Variants in SHTN1 observed in about 807,000 individuals in gnomAD.
SHTN1 encodes the protein shootin-1.
Under a neutral mutation model 83.1 loss-of-function variants are expected in SHTN1, and 42 were observed. The observed-to-expected ratio is 0.51, with a 90% CI of 0.39 to 0.65. The LOEUF is 0.65. Ranked by LOEUF, SHTN1 falls within the 30% of genes least tolerant of loss-of-function variation. The probability of loss-of-function intolerance (pLI) is 0.00; values close to 1 mark genes in which losing one functional copy is unlikely to be tolerated. For synonymous variants in SHTN1, 224 were observed against 247.7 expected, an observed-to-expected ratio of 0.90 and a Z score of 0.90; for missense variants, 622 against 737.8, an observed-to-expected ratio of 0.84 and a Z score of 1.82.
intron 12 of SHTN1, among the ~76,000 whole-genome samples, chr10:116,921,155 ATTAC>A (rs1848550740): frequency 6.6e-6 from 1 of 152,082 alleles, no homozygotes; most frequent in African/African-American, 2.4e-5. Context: ...CTCATTTGGA[ATTAC>A]TCCCTCTCTT....
At chr10:116,983,683 GATAAATACATAC>G (rs1376124069) in intron 1 of SHTN1, among the ~76,000 whole-genome samples, 27 of 14,784 alleles carry the variant, frequency 1.8e-3, no homozygotes, top group Admixed American at 4.0e-3. Context: ...TAGATAGATA[GATAAATACATAC>G]ATACATACAT....
At chr10:116,988,930 C>T (rs529840488) in intron 1 of SHTN1, among the ~76,000 whole-genome samples, 41 of 152,182 alleles carry the variant, frequency 2.7e-4, no homozygotes, top group Non-Finnish European at 5.1e-4. Flanking sequence ...CATCTTGAGG[C>T]AAAGCTTAGC....
chr10:117,004,938 C>G, intron 1 of SHTN1, 84 bp downstream of exon 1: 2 of 1,286,780 alleles, frequency 1.6e-6, no homozygotes, highest in Non-Finnish European at 2.1e-6. Flanking sequence ...CGCCCGGCTT[C>G]CAACTGCCCT....
chr10:116,929,268 C>T (rs1848861635), intron 10 of SHTN1, among the ~76,000 whole-genome samples: 1 of 152,188 alleles, frequency 6.6e-6, no homozygotes. Flanking sequence ...CTAACTCGCA[C>T]ATTCCCGTTA....
At chr10:116,919,462 C>T (rs1448229036) in intron 12 of SHTN1, among the ~76,000 whole-genome samples, 2 of 152,132 alleles carry the variant, frequency 1.3e-5, no homozygotes, top group Non-Finnish European at 2.9e-5. Context: ...AATACTGTCA[C>T]ATTTCATGAA....
chr10:117,008,519 AAAT>A (rs1328810747), upstream of SHTN1, among the ~76,000 whole-genome samples: 3 of 152,290 alleles, frequency 2.0e-5, no homozygotes, highest in East Asian at 5.8e-4. Context: ...TTGGTAATAA[AAAT>A]AAAGTACTGA....
chr10:117,106,624 A>G (rs1345273166), intron 1 of SHTN1, among the ~76,000 whole-genome samples: 1 of 152,188 alleles, frequency 6.6e-6, no homozygotes, highest in Non-Finnish European at 1.5e-5. Flanking sequence ...TAGAAATAGT[A>G]GCAGCTCCTA....
At chr10:116,973,765 C>A in intron 2 of SHTN1, 1 of 775,716 alleles carries the variant, frequency 1.3e-6, no homozygotes, top group South Asian at 1.5e-5. Flanking sequence ...AATGCTACAC[C>A]ATTTTTCTTG....
At chr10:117,091,826 C>T (rs935241457) in intron 1 of SHTN1, among the ~76,000 whole-genome samples, 1 of 152,100 alleles carries the variant, frequency 6.6e-6, no homozygotes, top group Non-Finnish European at 1.5e-5. Context: ...TTCTCTAAGC[C>T]CTCTTCCTCC....
At chr10:117,081,894 T>C (rs1010006484) in intron 1 of SHTN1, among the ~76,000 whole-genome samples, 11 of 151,732 alleles carry the variant, frequency 7.2e-5, no homozygotes, top group Non-Finnish European at 1.5e-4. Flanking sequence ...CCCTTTATCA[T>C]TTTTTATTGC....
At chr10:116,993,795 C>T (rs1038817884) in intron 1 of SHTN1, among the ~76,000 whole-genome samples, 2 of 152,064 alleles carry the variant, frequency 1.3e-5, no homozygotes, top group African/African-American at 4.8e-5. Context: ...AAAGGTTTCG[C>T]AATCTCTTTG....
At chr10:117,108,954 G>A (rs1853718083) in intron 1 of SHTN1, among the ~76,000 whole-genome samples, 1 of 152,074 alleles carries the variant, frequency 6.6e-6, no homozygotes, top group African/African-American at 2.4e-5. Context: ...GAGAAACCTG[G>A]GAACGTGATG....
At chr10:117,046,984 A>G (rs1852672594) in intron 2 of SHTN1, among the ~76,000 whole-genome samples, 1 of 152,192 alleles carries the variant, frequency 6.6e-6, no homozygotes, top group Admixed American at 6.5e-5. Flanking sequence ...ACTTTAAAAG[A>G]GTGAAGTTCT....
At chr10:116,969,660 G>A (rs1850534433) in intron 2 of SHTN1, among the ~76,000 whole-genome samples, 1 of 152,176 alleles carries the variant, frequency 6.6e-6, no homozygotes. Flanking sequence ...TGGGAGGCAA[G>A]ACCATAAAAG....
At chr10:117,029,768 A>C (rs1159033350) in intron 2 of SHTN1, among the ~76,000 whole-genome samples, 2 of 152,028 alleles carry the variant, frequency 1.3e-5, no homozygotes, top group Non-Finnish European at 2.9e-5. Flanking sequence ...CCTCCCCAGA[A>C]ACTGAGCAGA....
chr10:116,886,047 T>C lies in SHTN1; in HGVS notation c.*297A>G. 1 of 373,150 alleles carries C rather than the reference T, an allele frequency of 2.7e-6. No individual in the cohort carries two copies. The highest frequency in any genetic ancestry group is 4.6e-5 in the South Asian group (1 of 21,946). 23.1% of individuals were successfully genotyped at this position (373,150 alleles called of 1,614,324 possible). On this transcript the variant is annotated 3_prime_UTR_variant, in exon 17 of 17. Transcript: ENST00000355371. ...GTGGTATGCACATTTCCTAAAAAGG[T>C]ATCAACATCTGAATTTTTTTGTAAC...
chr10:117,013,976 G>T (rs1253022127), intron 2 of SHTN1, among the ~76,000 whole-genome samples: 1 of 152,000 alleles, frequency 6.6e-6, no homozygotes, highest in Non-Finnish European at 1.5e-5. Flanking sequence ...TTAAAAGAAT[G>T]AGCTACTGAG....
At chr10:116,948,353 C>A (rs1317883699) in intron 7 of SHTN1, among the ~76,000 whole-genome samples, 1 of 152,164 alleles carries the variant, frequency 6.6e-6, no homozygotes, top group Non-Finnish European at 1.5e-5. Context: ...TCATGTGATT[C>A]ATTTAAATGA....
In SHTN1 at chr10:116,886,308, A is replaced by G; in HGVS notation, c.*36T>C. The G allele has an allele frequency of 1.3e-6, 2 of 1,551,540 alleles. No individual in the cohort carries two copies. The highest frequency in any genetic ancestry group is 1.7e-6 in the Non-Finnish European group (2 of 1,146,820). ...AACACTAATCATGTGCTTATTGAAA[A>G]GGACTTCCAAACATGTCAGGCTTCT... is the stretch of plus-strand genomic sequence containing the variant. On this transcript the variant is annotated 3_prime_UTR_variant, in exon 17 of 17. Coordinates refer to ENST00000355371, the MANE Select transcript of SHTN1 (RefSeq NM_001127211.3).
Sources: allele counts gnomAD v4.1 joint callset (sites outside exome capture counted in the v4.1 genomes callset), GRCh38; gene constraint gnomAD v4.1.1; transcripts MANE v1.5; gene names NCBI Gene and HGNC (gene_info 2026-07-23, HGNC 2026-07-21).